Variants in ACACB observed in about 807,000 individuals in gnomAD.
The protein encoded by ACACB is acetyl-CoA carboxylase 2.
In ACACB, 209 loss-of-function variants were observed where a neutral mutation model predicts 278.8. The observed-to-expected ratio is 0.75, with a 90% CI of 0.67 to 0.84. ACACB has a LOEUF of 0.84. ACACB is among the 40% of genes least tolerant of loss of function. The pLI, the probability that ACACB is intolerant of heterozygous loss-of-function variation, is 0.00. For missense variants in ACACB, 2,850 were observed against 3,269.0 expected (o/e 0.87, Z 3.13); for synonymous variants, 1,174 against 1,285.6 (o/e 0.91, Z 1.86).
At position 109,241,186 on chromosome 12, in the gene ACACB, AGT is replaced by A; in HGVS notation, c.4929_4930del (p.Ala1644ArgfsTer10). 6.2e-7 allele frequency: 1 copy of A among 1,614,218 alleles called. No homozygotes were observed. Among genetic ancestry groups the A allele is most frequent in the East Asian group, 2.2e-5 (1 of 44,890 alleles). ...CAACATCCGCCAGACCACCACCGGC[AGT>A]GCCGTTCCCATCCGCCTGTTCATCA... ...KINIRQTTTGSAVPIRLFITN... is the reference protein window; with the variant it reads ...KINIRQTTTGXAVPIRLFITN... On this transcript the variant is annotated frameshift_variant, in exon 36 of 53. Coordinates refer to ENST00000338432, the MANE Select transcript of ACACB (RefSeq NM_001093.4). LOFTEE classifies it high-confidence loss of function.
Position 109,256,127 on chromosome 12 carries a change from CT to C in ACACB, c.6167-11del. 6.2e-7 allele frequency: 1 copy of C among 1,611,522 alleles called. No homozygotes were observed. The highest frequency in any genetic ancestry group is 8.5e-7 in the Non-Finnish European group (1 of 1,178,056). ...TGGCCCTCCAGCCTGGGCTTCTGCC[CT>C]TCTGTCCACAGCTCTGAAGGGAACG... On this transcript the variant is annotated splice_polypyrimidine_tract_variant and intron_variant, in intron 44 of 52. Coordinates refer to ENST00000338432, the MANE Select transcript of ACACB (RefSeq NM_001093.4).
At chr12:109,208,782 C>A (rs1054822424) in intron 20 of ACACB, among the ~76,000 whole-genome samples, 1 of 152,178 alleles carries the variant, frequency 6.6e-6, no homozygotes, top group African/African-American at 2.4e-5. Flanking sequence ...TGGACAAAAT[C>A]ATTAGACTTC....
chr12:109,150,827 G>A (rs2043350564), intron 2 of ACACB, among the ~76,000 whole-genome samples: 1 of 152,210 alleles, frequency 6.6e-6, no homozygotes, highest in Non-Finnish European at 1.5e-5. Context: ...GCGCCCCTGA[G>A]TGAAATGCCA....
intron 2 of ACACB, among the ~76,000 whole-genome samples, chr12:109,160,938 G>C (rs1366795249): frequency 1.3e-5 from 2 of 152,144 alleles, no homozygotes; most frequent in Non-Finnish European, 2.9e-5. Context: ...TGTGCTTTAG[G>C]TCAAATTGCT....
intron 21 of ACACB, among the ~76,000 whole-genome samples, chr12:109,211,556 T>C (rs2136434748): frequency 6.6e-6 from 1 of 152,180 alleles, no homozygotes; most frequent in African/African-American, 2.4e-5. Context: ...CCCAGCCCTG[T>C]GTGATTCCAA....
chr12:109,212,908 A>C lies in ACACB; in HGVS notation c.3322A>C (p.Thr1108Pro), dbSNP rs1381258524. ...KADREVFFIN[T>P]QSIVQLVQRY... ...TGATCGAGAGGTCTTCTTCATCAAC[A>C]CCCAGAGCATCGTGCAGTTGGTCCA... Residue 1108 changes from threonine to proline, a missense_variant, in exon 22 of 53, where the codon ACC becomes CCC. This residue lies in a region of ACACB where 2,265 missense variants were observed against 2,561.3 expected (regional missense o/e 0.88). Coordinates refer to ENST00000338432, the MANE Select transcript of ACACB (RefSeq NM_001093.4). 2.5e-6 allele frequency: 4 copies of C among 1,613,838 alleles called. No homozygotes were observed. Among genetic ancestry groups the C allele is most frequent in the Non-Finnish European group, 3.4e-6 (4 of 1,179,946 alleles).
At position 109,179,751 on chromosome 12, in the gene ACACB, T is replaced by G. The variant is rs566847378; in HGVS notation, c.1648-166T>G. Among the ~76,000 whole-genome samples, 126 of 152,264 alleles carry G rather than the reference T, an allele frequency of 8.3e-4. 1 individual carries two copies. The highest frequency in any genetic ancestry group is 2.9e-3 in the African/African-American group (121 of 41,548). Reference sequence around the variant, plus strand: ...AGTGATCCTCCCGCCTTGGCCTCCTTAAGCGCTAGGGTGATAGGCATGAGC... The same window carrying G: ...AGTGATCCTCCCGCCTTGGCCTCCTGAAGCGCTAGGGTGATAGGCATGAGC... On this transcript the variant is annotated intron_variant, in intron 10 of 52. Coordinates refer to ENST00000338432, the MANE Select transcript of ACACB (RefSeq NM_001093.4).
chr12:109,136,879 T>G (rs1309667686), intron 1 of ACACB, among the ~76,000 whole-genome samples: 2 of 152,250 alleles, frequency 1.3e-5, no homozygotes, highest in Non-Finnish European at 2.9e-5. Flanking sequence ...GAACTTCCAG[T>G]ACAGTGTTGA....
At chr12:109,186,096 A>G (rs967728351) in intron 12 of ACACB, among the ~76,000 whole-genome samples, 2 of 151,212 alleles carry the variant, frequency 1.3e-5, no homozygotes, top group Non-Finnish European at 1.5e-5. Context: ...ACGCCTGGCT[A>G]ATTTTTGTAT....
chr12:109,188,272 C>T, intron 13 of ACACB, 110 bp downstream of exon 13: 2 of 1,174,246 alleles, frequency 1.7e-6, no homozygotes, highest in Non-Finnish European at 2.4e-6. Context: ...CCTCTTTCTC[C>T]TCCCTTCCTT....
At chr12:109,205,260 C>T (rs974695235) in intron 19 of ACACB, among the ~76,000 whole-genome samples, 2 of 152,178 alleles carry the variant, frequency 1.3e-5, no homozygotes, top group African/African-American at 4.8e-5. Context: ...GCACACATTT[C>T]CTGTGCTGGG....
At chr12:109,151,327 C>T (rs2043370458) in intron 2 of ACACB, among the ~76,000 whole-genome samples, 1 of 152,060 alleles carries the variant, frequency 6.6e-6, no homozygotes, top group African/African-American at 2.4e-5. Context: ...GGATCCCTGT[C>T]TTTGAGTTGT....
At chr12:109,207,246 G>A (rs778290568) in intron 20 of ACACB, among the ~76,000 whole-genome samples, 3 of 152,116 alleles carry the variant, frequency 2.0e-5, no homozygotes, top group Non-Finnish European at 4.4e-5. Flanking sequence ...CTGAGCCACC[G>A]CACCCAGCCC....
At chr12:109,169,124 G>A (rs1254470738) in intron 4 of ACACB, among the ~76,000 whole-genome samples, 3 of 120,284 alleles carry the variant, frequency 2.5e-5, no homozygotes, top group African/African-American at 9.3e-5. Context: ...CGGCCTGGGC[G>A]ACAGAGTGAG....
At chr12:109,245,213 G>A (rs1279193456) in intron 37 of ACACB, among the ~76,000 whole-genome samples, 1 of 152,076 alleles carries the variant, frequency 6.6e-6, no homozygotes, top group Non-Finnish European at 1.5e-5. Context: ...GATGTGTACA[G>A]TGTGGTACTC....
At chr12:109,151,445 T>C (rs983305456) in intron 2 of ACACB, among the ~76,000 whole-genome samples, 1 of 152,132 alleles carries the variant, frequency 6.6e-6, no homozygotes, top group Admixed American at 6.6e-5. Flanking sequence ...TTCTGCTCTA[T>C]ACTTAATGTA....
rs533041414 is a variant in ACACB, at chr12:109,256,088, G to A, written c.6167-52G>A. On this transcript the variant is annotated intron_variant, in intron 44 of 52. Transcript: ENST00000338432. ...TTTGCACAGCCAGGAGTGTCCTGGG[G>A]GCCCCCAGCCACCTGGCCCTCCAGC... 8 of 1,531,186 alleles carry A rather than the reference G, an allele frequency of 5.2e-6. No individual in the cohort carries two copies. The African/African-American group carries it at 1.1e-4, about 21-fold the overall frequency. The allele number at this position is 1,531,186 out of a possible 1,614,324, so 94.8% of individuals were successfully genotyped here.
chr12:109,262,840 C>T lies in ACACB; in HGVS notation c.6787+371C>T, dbSNP rs1271754821. On this transcript the variant is annotated intron_variant, in intron 49 of 52. Transcript: ENST00000338432. ...CCATGTTGCCCAGGCTGTTCTCAAACTCCTGGGCTCAAGCAATCCACCTAC... is the reference window on the plus strand; with the variant it reads ...CCATGTTGCCCAGGCTGTTCTCAAATTCCTGGGCTCAAGCAATCCACCTAC... 2.7e-5 allele frequency among the ~76,000 whole-genome samples: 4 copies of T among 150,442 alleles called. No homozygotes were observed. In the East Asian group the frequency reaches 7.9e-4, roughly 30 times the overall value.
In ACACB at chr12:109,197,164, G is replaced by C. The variant is rs1313079754; in HGVS notation, c.2627+11G>C. 1.0e-5 allele frequency: 16 copies of C among 1,598,626 alleles called. 1 individual carries two copies. In the South Asian group the frequency reaches 1.8e-4, roughly 18 times the overall value. On this transcript the variant is annotated intron_variant, in intron 17 of 52. Transcript: ENST00000338432. ...GGAAGAGGTTGACAGGTGCGTGGGGGTGCGAGTCCCACTGTGGGCTGGGCA... is the reference window on the plus strand; with the variant it reads ...GGAAGAGGTTGACAGGTGCGTGGGGCTGCGAGTCCCACTGTGGGCTGGGCA...
Sources: allele counts gnomAD v4.1 joint callset (sites outside exome capture counted in the v4.1 genomes callset), GRCh38; gene constraint gnomAD v4.1.1; regional missense constraint gnomAD v4.1.1; transcripts MANE v1.5; gene names NCBI Gene and HGNC (gene_info 2026-07-23, HGNC 2026-07-21).